Variants in FRY observed in about 807,000 individuals in gnomAD.
The protein encoded by FRY is FRY microtubule binding protein, also known as protein furry homolog.
In FRY, 128 loss-of-function variants were observed where a neutral mutation model predicts 348.4. The ratio of observed to expected loss-of-function variants is 0.37; its 90% CI spans 0.32 to 0.43. The LOEUF is 0.43. Among genes scored for constraint, FRY ranks in the 20% least tolerant of loss-of-function variants. FRY has a pLI of 1.00. For synonymous variants in FRY, 1,370 were observed against 1,374.7 expected, an observed-to-expected ratio of 1.00 and a Z score of 0.08; for missense variants, 2,736 against 3,695.2, an observed-to-expected ratio of 0.74 and a Z score of 6.73.
In FRY at chr13:32,108,590, A is replaced by C. The variant is rs554749691; in HGVS notation, c.324+6574A>C. On this transcript the variant is annotated intron_variant, in intron 3 of 60. Coordinates refer to ENST00000542859, the MANE Select transcript of FRY (RefSeq NM_023037.3). ...TAGTGCAGGATGTTACAACCAGTTA[A>C]ATTCCAAAAAACAGACACATTTATA... is the stretch of plus-strand genomic sequence containing the variant. Among the ~76,000 whole-genome samples the C allele has an allele frequency of 1.2e-4, 19 of 152,338 alleles. 1 individual carries two copies. The South Asian group carries it at 3.9e-3, about 32-fold the overall frequency.
chr13:32,273,532 T>C (rs1005050115), intron 55 of FRY, among the ~76,000 whole-genome samples: 5 of 152,122 alleles, frequency 3.3e-5, no homozygotes, highest in African/African-American at 1.2e-4. Flanking sequence ...TAACTGTTCT[T>C]AACCTCAGAT....
intron 5 of FRY, 55 bp downstream of exon 5, chr13:32,124,431 C>A (rs1373228648): frequency 1.9e-6 from 2 of 1,051,460 alleles, no homozygotes; most frequent in Non-Finnish European, 2.9e-6. Context: ...CTAAAAACTA[C>A]TTAGGTTGTA....
chr13:32,292,837 C>A (rs1253881953), intron 59 of FRY, among the ~76,000 whole-genome samples: 2 of 147,812 alleles, frequency 1.4e-5, no homozygotes, highest in Non-Finnish European at 1.5e-5. Context: ...AAGCAAACTT[C>A]ATTATTGTCT....
intron 4 of FRY, among the ~76,000 whole-genome samples, chr13:32,122,746 T>C (rs1878751687): frequency 6.6e-6 from 1 of 152,194 alleles, no homozygotes; most frequent in Non-Finnish European, 1.5e-5. Context: ...GAAGTCAAAC[T>C]GTCACTGTTT....
Position 32,239,577 on chromosome 13 carries a change from C to A in FRY, c.6517-134C>A. On this transcript the variant is annotated intron_variant, in intron 45 of 60. Coordinates refer to ENST00000542859, the MANE Select transcript of FRY (RefSeq NM_023037.3). The surrounding 1 kb of genome is among the most constrained non-coding windows in gnomAD (Gnocchi z 4.3). ...ATTTGTGAAAATTATATTAGCCAAG[C>A]TAAGTATTTCCTGTAATTACCAAAA... 2 of 729,108 alleles carry A rather than the reference C, an allele frequency of 2.7e-6. No individual in the cohort carries two copies. Among genetic ancestry groups the A allele is most frequent in the Non-Finnish European group, 4.8e-6 (2 of 420,908 alleles). The allele number at this position is 729,108 out of a possible 1,614,324, so 45.2% of individuals were successfully genotyped here.
chr13:32,102,585 T>C (rs1877237143), intron 3 of FRY, among the ~76,000 whole-genome samples: 1 of 152,118 alleles, frequency 6.6e-6, no homozygotes, highest in African/African-American at 2.4e-5. Flanking sequence ...AAATAATACA[T>C]GAACAAAATG....
At chr13:32,148,055 GT>G in intron 13 of FRY, 108 bp downstream of exon 13, 1 of 746,892 alleles carries the variant, frequency 1.3e-6, no homozygotes, top group Non-Finnish European at 2.5e-6. Context: ...CATCTTACGT[GT>G]TTAGACTTCT....
intron 1 of FRY, among the ~76,000 whole-genome samples, chr13:32,054,137 G>A (rs1873493217): frequency 6.6e-6 from 1 of 151,942 alleles, no homozygotes. Flanking sequence ...TAGATGTTTT[G>A]AACGAAAATA....
At chr13:32,197,630 C>T (rs913505563) in intron 29 of FRY, among the ~76,000 whole-genome samples, 24 of 152,202 alleles carry the variant, frequency 1.6e-4, no homozygotes, top group Non-Finnish European at 8.8e-5. Flanking sequence ...ACAAAAACAA[C>T]CTCTTGGCCT....
chr13:32,049,382 A>T (rs149195515), intron 1 of FRY, among the ~76,000 whole-genome samples: 11 of 152,314 alleles, frequency 7.2e-5, no homozygotes, highest in Non-Finnish European at 1.6e-4. Context: ...GGAGCATGGA[A>T]GGATCTGCCG....
chr13:32,113,376 C>T (rs1028416981), intron 3 of FRY, among the ~76,000 whole-genome samples: 3 of 152,156 alleles, frequency 2.0e-5, no homozygotes, highest in Non-Finnish European at 2.9e-5. Context: ...TCCTTCTTTG[C>T]GTTTAACAAG....
chr13:32,238,830 C>T (rs1396731618), intron 44 of FRY, among the ~76,000 whole-genome samples: 1 of 152,154 alleles, frequency 6.6e-6, no homozygotes, highest in Admixed American at 6.5e-5. Flanking sequence ...AGGGACTAAG[C>T]CATTCCTTAT....
chr13:32,228,664 G>T lies in FRY; in HGVS notation c.5405+10G>T, dbSNP rs758885893. ...AGTTTCTCACGACCAGGTAATAAGG[G>T]GTTAGGAGTCCGCTGCTGTTTGCAG... On this transcript the variant is annotated intron_variant, in intron 40 of 60. Coordinates refer to ENST00000542859, the MANE Select transcript of FRY (RefSeq NM_023037.3). The T allele has an allele frequency of 6.2e-7, 1 of 1,612,718 alleles. No individual in the cohort carries two copies. Among genetic ancestry groups the T allele is most frequent in the South Asian group, 1.1e-5 (1 of 91,054 alleles).
intron 31 of FRY, among the ~76,000 whole-genome samples, chr13:32,208,327 T>C (rs1409392493): frequency 6.6e-6 from 1 of 152,258 alleles, no homozygotes; most frequent in Non-Finnish European, 1.5e-5. Flanking sequence ...CTAACCACAA[T>C]TTATAAAAGC....
chr13:32,099,704 T>C (rs1368359192), intron 2 of FRY, among the ~76,000 whole-genome samples: 1 of 152,034 alleles, frequency 6.6e-6, no homozygotes, highest in East Asian at 1.9e-4. Context: ...AAACTATTCA[T>C]GATGAATATT....
chr13:32,170,344 T>C (rs1246285551), intron 17 of FRY, among the ~76,000 whole-genome samples: 3 of 152,196 alleles, frequency 2.0e-5, no homozygotes, highest in East Asian at 1.9e-4. Flanking sequence ...AAGGACATCA[T>C]TGGAAAACCG....
At chr13:32,102,098 G>A in intron 3 of FRY, 82 bp downstream of exon 3, 5 of 822,112 alleles carry the variant, frequency 6.1e-6, no homozygotes, top group East Asian at 2.4e-5. Flanking sequence ...CACTATTGTT[G>A]TATGGATGAA....
At chr13:32,288,762 A>C (rs1889194573) in intron 58 of FRY, among the ~76,000 whole-genome samples, 1 of 152,230 alleles carries the variant, frequency 6.6e-6, no homozygotes, top group Non-Finnish European at 1.5e-5. Flanking sequence ...TGGCCATGAA[A>C]TTCTATTGAG....
intron 2 of FRY, among the ~76,000 whole-genome samples, chr13:32,087,260 G>A (rs1167817488): frequency 6.6e-6 from 1 of 152,224 alleles, no homozygotes; most frequent in Non-Finnish European, 1.5e-5. Flanking sequence ...AACACTGAAA[G>A]GCCAGGCAAT....
Sources: gnomAD v4.1 joint callset for allele counts (sites outside exome capture counted in the v4.1 genomes callset) on GRCh38, gnomAD v4.1.1 for gene constraint, Gnocchi (gnomAD v3.1) non-coding constraint, MANE v1.5 for transcripts, NCBI Gene and HGNC (gene_info 2026-07-23, HGNC 2026-07-21) for gene names.